Variants in DYNLRB2 observed in about 807,000 individuals in gnomAD.
DYNLRB2 encodes the protein bithoraxoid-like protein.
Under a neutral mutation model 12.6 loss-of-function variants are expected in DYNLRB2, and 14 were observed. That is an observed-to-expected ratio of 1.11 (90% CI 0.73 to 1.73). The LOEUF (loss-of-function observed/expected upper bound fraction) is 1.73. Ranked by LOEUF, DYNLRB2 falls within the 40% of genes most tolerant of loss-of-function variation. The pLI is 0.00. For missense variants in DYNLRB2, 142 were observed against 117.7 expected, an observed-to-expected ratio of 1.21 and a Z score of -0.95; for synonymous variants, 53 against 37.0, an observed-to-expected ratio of 1.43 and a Z score of -1.57.
Position 80,549,579 on chromosome 16 carries a change from G to A in DYNLRB2, c.175G>A (p.Asp59Asn). 6.2e-7 allele frequency: 1 copy of A among 1,612,670 alleles called. No individual in the cohort carries two copies. Among genetic ancestry groups the A allele is most frequent in the Non-Finnish European group, 8.5e-7 (1 of 1,179,022 alleles). ...LTMKAKSTVRDIDPQNDLTFL... is the reference protein window; with the variant it reads ...LTMKAKSTVRNIDPQNDLTFL... Reference sequence around the variant, plus strand: ...AATGAAAGCCAAAAGCACAGTTCGTGATATTGATCCTCAGAACGACCTGAC... The same window carrying A: ...AATGAAAGCCAAAAGCACAGTTCGTAATATTGATCCTCAGAACGACCTGAC... The change falls in exon 3 of 4, where the codon GAT (aspartate) becomes AAT (asparagine). Residue 59 changes from aspartate to asparagine, a missense_variant. Transcript: ENST00000305904.
intron 2 of DYNLRB2, chr16:80,548,973 A>G (rs548560624): frequency 4.4e-6 from 2 of 456,056 alleles, no homozygotes; most frequent in South Asian, 3.1e-5. Context: ...TCACAGAGCA[A>G]GAACTTCAGA....
chr16:80,549,185 T>A (rs1253825522), intron 2 of DYNLRB2: 1 of 352,522 alleles, frequency 2.8e-6, no homozygotes. Flanking sequence ...AATAGTGAAG[T>A]ATGCAGTTAT....
intron 2 of DYNLRB2, among the ~76,000 whole-genome samples, chr16:80,548,620 A>G (rs4432276): frequency 0.97 from 147,662 of 151,826 alleles, 71,944 homozygotes; most frequent in Middle Eastern, 1. Flanking sequence ...TACTCGGGAA[A>G]CTGAGGCAGG....
chr16:80,546,100 A>G (rs190320973), intron 2 of DYNLRB2, among the ~76,000 whole-genome samples: 1 of 152,206 alleles, frequency 6.6e-6, no homozygotes, highest in African/African-American at 2.4e-5. Flanking sequence ...TCCCTAAAAT[A>G]TAAATGAGGG....
intron 2 of DYNLRB2, among the ~76,000 whole-genome samples, chr16:80,546,656 A>G (rs1904485498): frequency 6.6e-6 from 1 of 152,228 alleles, no homozygotes; most frequent in Admixed American, 6.5e-5. Context: ...ATTGAATTAG[A>G]TACTGGCAAA....
In DYNLRB2 at chr16:80,550,564, C is replaced by G. The variant is rs758395832; in HGVS notation, c.*6C>G. The G allele has an allele frequency of 6.2e-7, 1 of 1,614,104 alleles. No homozygotes were observed. ...TTCAGAATCCATGTGAATAGACCTGCGATGGCCAAGGCTGTTTAAGCGACA... is the reference window on the plus strand; with the variant it reads ...TTCAGAATCCATGTGAATAGACCTGGGATGGCCAAGGCTGTTTAAGCGACA... On this transcript the variant is annotated 3_prime_UTR_variant, in exon 4 of 4. Coordinates refer to ENST00000305904, the MANE Select transcript of DYNLRB2 (RefSeq NM_130897.3).
chr16:80,547,276 T>A (rs1220119152), intron 2 of DYNLRB2, among the ~76,000 whole-genome samples: 1 of 152,186 alleles, frequency 6.6e-6, no homozygotes, highest in Non-Finnish European at 1.5e-5. Context: ...CACAAACACA[T>A]ACATTCTTGA....
In DYNLRB2 at chr16:80,549,586, A is replaced by C. The variant is rs1904710000; in HGVS notation, c.182A>C (p.Asp61Ala). The change falls in exon 3 of 4, where the codon GAT becomes GCT. Residue 61 changes from aspartate to alanine, a missense_variant. Transcript: ENST00000305904. Reference sequence around the variant, plus strand: ...GCCAAAAGCACAGTTCGTGATATTGATCCTCAGAACGACCTGACTTTTCTT... The same window carrying C: ...GCCAAAAGCACAGTTCGTGATATTGCTCCTCAGAACGACCTGACTTTTCTT... ...MKAKSTVRDI[D>A]PQNDLTFLRI... 1.2e-5 allele frequency: 20 copies of C among 1,612,670 alleles called. No individual in the cohort carries two copies. Among genetic ancestry groups the C allele is most frequent in the Non-Finnish European group, 1.6e-5 (19 of 1,179,090 alleles).
At chr16:80,540,870 C>T (rs372816184), upstream of DYNLRB2, 3 of 859,738 alleles carry the variant, frequency 3.5e-6, no homozygotes, top group East Asian at 2.6e-5. Flanking sequence ...CGCCTGCTCC[C>T]CTCTTCCGCG....
Position 80,550,689 on chromosome 16 carries a change from C to T in DYNLRB2, c.*131C>T. Reference sequence around the variant, plus strand: ...TTTCTATTTCTATATCTAAACTGTTCTGCATGTCTCATTTAGTCCCTTTTG... The same window carrying T: ...TTTCTATTTCTATATCTAAACTGTTTTGCATGTCTCATTTAGTCCCTTTTG... On this transcript the variant is annotated 3_prime_UTR_variant, in exon 4 of 4. Transcript: ENST00000305904. The T allele has an allele frequency of 2.0e-6, 2 of 992,332 alleles. No individual in the cohort carries two copies. Among genetic ancestry groups the T allele is most frequent in the South Asian group, 1.4e-5 (1 of 69,118 alleles). The allele number at this position is 992,332 out of a possible 1,614,324, so 61.5% of individuals were successfully genotyped here.
At chr16:80,546,498 T>TA (rs1904477367) in intron 2 of DYNLRB2, among the ~76,000 whole-genome samples, 1 of 152,242 alleles carries the variant, frequency 6.6e-6, no homozygotes. Context: ...GTTTCACTGT[T>TA]ACTGAAACAC....
At chr16:80,548,501 GTGGAT>G (rs1904622166) in intron 2 of DYNLRB2, among the ~76,000 whole-genome samples, 1 of 152,272 alleles carries the variant, frequency 6.6e-6, no homozygotes, top group Admixed American at 6.5e-5. Context: ...CATGAGGCGG[GTGGAT>G]TACCTGAGGT....
intron 1 of DYNLRB2, 74 bp from the exon 2 acceptor site, chr16:80,543,202 C>A: frequency 6.8e-7 from 1 of 1,465,826 alleles, no homozygotes; most frequent in Admixed American, 1.8e-5. Flanking sequence ...AGGTATCTTG[C>A]TAAACATTAT....
chr16:80,541,092 T>A lies in DYNLRB2; in HGVS notation c.3+13T>A, dbSNP rs766907236. ...GGCCTCCGCGATGGTAAATCTGGGG[T>A]CTCCGTCCACGCCCCGCCGTTCCAA... On this transcript the variant is annotated intron_variant, in intron 1 of 3. Coordinates refer to ENST00000305904, the MANE Select transcript of DYNLRB2 (RefSeq NM_130897.3). 1.2e-6 allele frequency: 2 copies of A among 1,603,088 alleles called. No homozygotes were observed. The highest frequency in any genetic ancestry group is 4.5e-5 in the East Asian group (2 of 44,508).
chr16:80,549,297 C>T lies in DYNLRB2; in HGVS notation c.80-187C>T, dbSNP rs546932356. On this transcript the variant is annotated intron_variant, in intron 2 of 3. Transcript: ENST00000305904. ...AGTTTGTAAATATAGTTTCACACAA[C>T]TATACTTAAAAATCTACGTAGCGAC... 1.4e-5 allele frequency: 8 copies of T among 563,408 alleles called. No individual in the cohort carries two copies. The Admixed American group carries it at 1.7e-4, about 12-fold the overall frequency. The allele number at this position is 563,408 out of a possible 1,614,324, so 34.9% of individuals were successfully genotyped here.
chr16:80,550,146 C>T (rs1419142905), intron 3 of DYNLRB2, among the ~76,000 whole-genome samples: 1 of 152,212 alleles, frequency 6.6e-6, no homozygotes, highest in Non-Finnish European at 1.5e-5. Flanking sequence ...ACCTATGCCA[C>T]TAAACTAATC....
intron 2 of DYNLRB2, 51 bp from the exon 3 acceptor site, chr16:80,549,433 A>G: frequency 6.6e-7 from 1 of 1,505,698 alleles, no homozygotes; most frequent in Non-Finnish European, 9.0e-7. Flanking sequence ...CACTGTACTT[A>G]TTACTTTTCT....
At chr16:80,545,467 G>A (rs1053559344) in intron 2 of DYNLRB2, among the ~76,000 whole-genome samples, 20 of 151,918 alleles carry the variant, frequency 1.3e-4, no homozygotes, top group Non-Finnish European at 2.1e-4. Context: ...AGCGGTCACC[G>A]GCATGTTCTA....
intron 2 of DYNLRB2, chr16:80,548,970 G>A: frequency 2.2e-6 from 1 of 455,720 alleles, no homozygotes; most frequent in Non-Finnish European, 4.4e-6. Context: ...ATGTCACAGA[G>A]CAAGAACTTC....
Sources: gnomAD v4.1 joint callset for allele counts (sites outside exome capture counted in the v4.1 genomes callset) on GRCh38, gnomAD v4.1.1 for gene constraint, MANE v1.5 for transcripts, NCBI Gene and HGNC (gene_info 2026-07-23, HGNC 2026-07-21) for gene names.